SLC6A19: variants seen among roughly 807,000 people sequenced by gnomAD.
SLC6A19 encodes the protein sodium-dependent neutral amino acid transporter B(0)AT1.
SLC6A19 carries 67 observed loss-of-function variants against 68.3 expected under a neutral mutation model. That is an observed-to-expected ratio of 0.98 (90% CI 0.81 to 1.20). The LOEUF (loss-of-function observed/expected upper bound fraction) is 1.20. Among genes scored for constraint, SLC6A19 ranks in the 50% most tolerant of loss-of-function variants. SLC6A19 has a pLI of 0.00. For synonymous variants in SLC6A19, 392 were observed against 374.9 expected (o/e 1.05, Z -0.53); for missense variants, 813 against 851.6 (o/e 0.95, Z 0.56).
Position 1,208,728 on chromosome 5 carries a change from G to A in SLC6A19, c.203-18G>A. On this transcript the variant is annotated intron_variant, in intron 1 of 11. Coordinates refer to ENST00000304460, the MANE Select transcript of SLC6A19 (RefSeq NM_001003841.3). The stretch of plus-strand genomic sequence containing the variant: ...CCCGGGAACGGCTCTCAGGCATGGT[G>A]GACTCCTCCCATTGCAGGAGCCTTC... 3 of 1,613,366 alleles carry A rather than the reference G, an allele frequency of 1.9e-6. No individual in the cohort carries two copies. The highest frequency in any genetic ancestry group is 2.5e-6 in the Non-Finnish European group (3 of 1,179,990).
At chr5:1,210,262 C>T (rs572712449) in intron 2 of SLC6A19, among the ~76,000 whole-genome samples, 182 bp from the exon 3 acceptor site, 1 of 152,382 alleles carries the variant, frequency 6.6e-6, no homozygotes, top group East Asian at 1.9e-4. Context: ...AAGGCGTGTA[C>T]AGGCTGCACC....
chr5:1,212,464 G>T lies in SLC6A19; in HGVS notation c.643G>T (p.Gly215Cys). Reference sequence around the variant, plus strand: ...CGTCCTGTACATGTGCACCATCCGCGGCATCGAGACCACCGGGAAGGTACT... The same window carrying T: ...CGTCCTGTACATGTGCACCATCCGCTGCATCGAGACCACCGGGAAGGTACT... ...WSVLYMCTIR[G>C]IETTGKAVYI... The change falls in exon 4 of 12, where the codon GGC becomes TGC. Residue 215 changes from glycine (G) to cysteine (C), a missense_variant. By Grantham distance (159) the Gly-to-Cys change is radical. Coordinates refer to ENST00000304460, the MANE Select transcript of SLC6A19 (RefSeq NM_001003841.3). This position sits in a 1 kb window ranked among gnomAD's most constrained non-coding sequence, Gnocchi z 5.1. 1.2e-6 allele frequency: 2 copies of T among 1,608,812 alleles called. No homozygotes were observed. Among genetic ancestry groups the T allele is most frequent in the Non-Finnish European group, 1.7e-6 (2 of 1,179,870 alleles).
Position 1,221,730 on chromosome 5 carries a change from C to G in SLC6A19, c.1731C>G (p.Ser577=). ...AATTTCCCAAATCCCAGAAGATCTCCTACCCGAACTGGGTGTATGTGGTGG... is the reference window on the plus strand; with the variant it reads ...AATTTCCCAAATCCCAGAAGATCTCGTACCCGAACTGGGTGTATGTGGTGG... The part of the protein sequence containing the change: ...YEEFPKSQKI[S]YPNWVYVVVV... The change falls in exon 12 of 12, where the codon TCC becomes TCG. Residue 577 remains serine (S), a synonymous_variant. Transcript: ENST00000304460. 1 of 1,614,076 alleles carries G rather than the reference C, an allele frequency of 6.2e-7. No individual in the cohort carries two copies. The highest frequency in any genetic ancestry group is 8.5e-7 in the Non-Finnish European group (1 of 1,179,930).
rs1205530284 is a variant in SLC6A19, at chr5:1,219,668, G to A, written c.1538+4G>A. 2.5e-6 allele frequency: 4 copies of A among 1,603,814 alleles called. No individual in the cohort carries two copies. The East Asian group carries it at 6.7e-5, about 27-fold the overall frequency. On this transcript the variant is annotated splice_donor_region_variant and intron_variant, in intron 10 of 11. Transcript: ENST00000304460. The stretch of plus-strand genomic sequence containing the variant: ...TCTACGTGTACGGTGTGGACAGGTA[G>A]GGGCCACGGTGGGGACAGGTGCCTC...
At chr5:1,220,328 T>A (rs989950256) in intron 10 of SLC6A19, among the ~76,000 whole-genome samples, 1 of 149,760 alleles carries the variant, frequency 6.7e-6, no homozygotes, top group African/African-American at 2.5e-5. Flanking sequence ...GAGAATCGCT[T>A]GAACCTGGGA....
At position 1,212,338 on chromosome 5, in the gene SLC6A19, G is replaced by T; in HGVS notation, c.517G>T (p.Asp173Tyr). 1 of 1,613,636 alleles carries T rather than the reference G, an allele frequency of 6.2e-7. No individual in the cohort carries two copies. ...CGAGTGCGCCAGGAGCTCCCCTGTGGACTACTTCTGGTACCGAGAGACGCT... is the reference window on the plus strand; with the variant it reads ...CGAGTGCGCCAGGAGCTCCCCTGTGTACTACTTCTGGTACCGAGAGACGCT... ...VDECARSSPV[D>Y]YFWYRETLNI... is the part of the protein sequence containing the mutation. The change falls in exon 4 of 12, where the codon GAC becomes TAC. Residue 173 changes from aspartate to tyrosine, a missense_variant. Asp to Tyr is a radical substitution (Grantham distance 160). Transcript: ENST00000304460. The surrounding 1 kb of genome is among the most constrained non-coding windows in gnomAD (Gnocchi z 5.1).
intron 11 of SLC6A19, 137 bp downstream of exon 11, chr5:1,221,450 C>A: frequency 8.5e-7 from 1 of 1,171,548 alleles, no homozygotes; most frequent in South Asian, 1.3e-5. Flanking sequence ...CACTCAGGTG[C>A]AGTCCAGCCA....
chr5:1,214,088 T>C lies in SLC6A19; in HGVS notation c.887+23T>C. ...GCAGTGAGTGCGGGTGTGGTGGGCC[T>C]CAGTTTCCCTCTCAGTCCTGGGGGG... On this transcript the variant is annotated intron_variant, in intron 6 of 11. Transcript: ENST00000304460. The surrounding 1 kb of genome is among the most constrained non-coding windows in gnomAD (Gnocchi z 7.4). The C allele has an allele frequency of 6.2e-7, 1 of 1,613,546 alleles. No homozygotes were observed. The highest frequency in any genetic ancestry group is 8.5e-7 in the Non-Finnish European group (1 of 1,179,932).
intron 3 of SLC6A19, among the ~76,000 whole-genome samples, chr5:1,211,680 G>A (rs1746032693): frequency 6.6e-6 from 1 of 151,488 alleles, no homozygotes; most frequent in Non-Finnish European, 1.5e-5. Context: ...GAGCATGTGT[G>A]CTGTGTGCAT....
At chr5:1,221,409 A>G (rs1429872564) in intron 11 of SLC6A19, 96 bp downstream of exon 11, 11 of 1,416,926 alleles carry the variant, frequency 7.8e-6, no homozygotes, top group Non-Finnish European at 9.8e-6. Flanking sequence ...CACACAATAC[A>G]CACACCCACA....
rs935889550 is a variant in SLC6A19, at chr5:1,215,399, C to T, written c.888-1159C>T. ...CAAAAGCTCCACATATGTGAGCAGC[C>T]GCTCCCCAGTGCCCTGTCCTCCTGC... On this transcript the variant is annotated intron_variant, in intron 6 of 11. Transcript: ENST00000304460. This position sits in a 1 kb window ranked among gnomAD's most constrained non-coding sequence, Gnocchi z 5.1. 2.0e-4 allele frequency among the ~76,000 whole-genome samples: 31 copies of T among 152,198 alleles called. No individual in the cohort carries two copies. The highest frequency in any genetic ancestry group is 5.8e-4 in the East Asian group (3 of 5,200).
intron 8 of SLC6A19, 63 bp from the exon 9 acceptor site, chr5:1,218,840 G>T: frequency 6.4e-7 from 1 of 1,570,372 alleles, no homozygotes; most frequent in Non-Finnish European, 8.7e-7. Context: ...CGAGACCTCG[G>T]GCGGGGAGGA....
chr5:1,201,899 C>T, intron 1 of SLC6A19, 47 bp downstream of exon 1: 1 of 1,582,450 alleles, frequency 6.3e-7, no homozygotes, highest in Non-Finnish European at 8.5e-7. Flanking sequence ...GCCAGGGAAG[C>T]ACAGACACAC....
chr5:1,221,893 C>G lies in SLC6A19; in HGVS notation c.1894C>G (p.Leu632Val). The change falls in exon 12 of 12, where the codon CTG becomes GTG. Residue 632 changes from leucine (L) to valine (V), a missense_variant. Leu to Val is a conservative substitution (Grantham distance 32). Coordinates refer to ENST00000304460, the MANE Select transcript of SLC6A19 (RefSeq NM_001003841.3). ...GTCCACAGCCTCCATGAACGGGGAC[C>G]TGAAGTACTGAGAAGGCCCATCCCA... ...TLSTASMNGD[L>V]KY The G allele has an allele frequency of 1.2e-6, 2 of 1,614,024 alleles. No homozygotes were observed. The highest frequency in any genetic ancestry group is 4.5e-5 in the East Asian group (2 of 44,874).
At chr5:1,204,174 C>G (rs1048037382) in intron 1 of SLC6A19, among the ~76,000 whole-genome samples, 1 of 152,228 alleles carries the variant, frequency 6.6e-6, no homozygotes, top group Non-Finnish European at 1.5e-5. Context: ...CTCTTGGAAG[C>G]CTCCTGAGTG....
In SLC6A19 at chr5:1,210,533, C is replaced by G; in HGVS notation, c.433C>G (p.Gln145Glu). The change falls in exon 3 of 12, where the codon CAG becomes GAG. Residue 145 changes from glutamine (Q) to glutamate (E), a missense_variant. By Grantham distance (29) the Gln-to-Glu change is conservative. Transcript: ENST00000304460. ...CATGTGGTACTTATTCAACTCCTTC[C>G]AGGAGCCTCTGCCCTGGAGCGACTG... ...WIMWYLFNSF[Q>E]EPLPWSDCPL... is the part of the protein sequence containing the mutation. The G allele has an allele frequency of 6.2e-7, 1 of 1,613,408 alleles. No individual in the cohort carries two copies. Among genetic ancestry groups the G allele is most frequent in the South Asian group, 1.1e-5 (1 of 91,082 alleles).
chr5:1,210,845 C>A (rs573674950), intron 3 of SLC6A19, among the ~76,000 whole-genome samples: 1 of 152,202 alleles, frequency 6.6e-6, no homozygotes, highest in African/African-American at 2.4e-5. Flanking sequence ...CCCCGGTCAC[C>A]AGCCTGGAGC....
intron 8 of SLC6A19, 85 bp downstream of exon 8, chr5:1,217,030 G>T (rs901332606): frequency 4.4e-6 from 7 of 1,598,056 alleles, no homozygotes; most frequent in Non-Finnish European, 6.0e-6. Context: ...CCCCTGGCCT[G>T]TGGAGGACGC....
In SLC6A19 at chr5:1,219,660, G is replaced by A. The variant is rs1259246664; in HGVS notation, c.1534G>A (p.Asp512Asn). ...MFSVVYVYGVDRFNKDIEFMI... is the reference protein window; with the variant it reads ...MFSVVYVYGVNRFNKDIEFMI... ...CTCTGTGGTCTACGTGTACGGTGTGGACAGGTAGGGGCCACGGTGGGGACA... is the reference window on the plus strand; with the variant it reads ...CTCTGTGGTCTACGTGTACGGTGTGAACAGGTAGGGGCCACGGTGGGGACA... Residue 512 changes from aspartate to asparagine, a missense_variant, in exon 10 of 12, where the codon GAC becomes AAC. Coordinates refer to ENST00000304460, the MANE Select transcript of SLC6A19 (RefSeq NM_001003841.3). 11 of 1,604,584 alleles carry A rather than the reference G, an allele frequency of 6.9e-6. No individual in the cohort carries two copies. The African/African-American group carries it at 9.3e-5, about 14-fold the overall frequency.
Sources: gnomAD v4.1 joint callset for allele counts (sites outside exome capture counted in the v4.1 genomes callset) on GRCh38, gnomAD v4.1.1 for gene constraint, Gnocchi (gnomAD v3.1) non-coding constraint, MANE v1.5 for transcripts, NCBI Gene and HGNC (gene_info 2026-07-23, HGNC 2026-07-21) for gene names.